RBMS3: variants seen among roughly 807,000 people sequenced by gnomAD.
The protein encoded by RBMS3 is RNA binding motif single stranded interacting protein 3, also known as RNA-binding motif, single-stranded-interacting protein 3.
In RBMS3, 27 loss-of-function variants were observed where a neutral mutation model predicts 66.8. The observed-to-expected ratio is 0.40, with a 90% CI of 0.30 to 0.56. The LOEUF is 0.56. Ranked by LOEUF, RBMS3 falls within the 20% of genes least tolerant of loss-of-function variation. RBMS3 has a pLI of 0.40. For missense variants in RBMS3, 513 were observed against 549.5 expected (o/e 0.93, Z 0.66); for synonymous variants, 188 against 183.0 (o/e 1.03, Z -0.22).
At chr3:29,341,838 C>A (rs2125538922) in intron 1 of RBMS3, among the ~76,000 whole-genome samples, 1 of 152,282 alleles carries the variant, frequency 6.6e-6, no homozygotes, top group Non-Finnish European at 1.5e-5. Flanking sequence ...ACAAGGAAGA[C>A]AAACTAAAGT....
chr3:29,809,851 G>A (rs1026623683), intron 6 of RBMS3, among the ~76,000 whole-genome samples: 2 of 151,962 alleles, frequency 1.3e-5, no homozygotes, highest in East Asian at 1.9e-4. Context: ...AGGAATTTTA[G>A]AGGAAGGAAA....
chr3:29,456,282 G>GT lies in RBMS3; in HGVS notation c.248+21368dup, dbSNP rs1178355776. Among the ~76,000 whole-genome samples, 4 of 152,142 alleles carry GT rather than the reference G, an allele frequency of 2.6e-5. No individual in the cohort carries two copies. In the South Asian group the frequency reaches 6.2e-4, roughly 24 times the overall value. On this transcript the variant is annotated intron_variant, in intron 2 of 14. Transcript: ENST00000383767. Reference sequence around the variant, plus strand: ...TATCTTGAGTGTTTAATTCAGAAGAGTGAGAAAATTTTAAAACATGTGTTT... The same window carrying GT: ...TATCTTGAGTGTTTAATTCAGAAGAGTTGAGAAAATTTTAAAACATGTGTTT...
intron 1 of RBMS3, among the ~76,000 whole-genome samples, chr3:29,378,109 A>G (rs1023999766): frequency 6.6e-6 from 1 of 152,188 alleles, no homozygotes; most frequent in African/African-American, 2.4e-5. Flanking sequence ...TAACTAGCTT[A>G]GAGATCTTGG....
chr3:29,354,383 CTG>C (rs758062894), intron 1 of RBMS3, among the ~76,000 whole-genome samples: 10 of 152,124 alleles, frequency 6.6e-5, no homozygotes, highest in Non-Finnish European at 1.5e-4. Context: ...CTGAAGCAAA[CTG>C]TATTCTTGCT....
chr3:29,472,307 C>T (rs531973863), intron 2 of RBMS3, among the ~76,000 whole-genome samples: 6 of 151,844 alleles, frequency 4.0e-5, no homozygotes, highest in East Asian at 1.9e-4. Context: ...AAGCGATTCC[C>T]GCCTCAGCTT....
intron 2 of RBMS3, among the ~76,000 whole-genome samples, chr3:29,463,274 A>G (rs1320030426): frequency 2.0e-5 from 3 of 152,208 alleles, no homozygotes; most frequent in Non-Finnish European, 2.9e-5. Context: ...ACCTATATCA[A>G]TGTAGCTTTA....
At chr3:29,962,508 G>T (rs1324233767) in intron 12 of RBMS3, among the ~76,000 whole-genome samples, 1 of 146,972 alleles carries the variant, frequency 6.8e-6, no homozygotes, top group Admixed American at 7.0e-5. Context: ...CTTTATATAG[G>T]TTTTACTGAG....
At chr3:29,472,726 G>A in intron 2 of RBMS3, among the ~76,000 whole-genome samples, 1 of 148,534 alleles carries the variant, frequency 6.7e-6, no homozygotes, top group Non-Finnish European at 1.5e-5. Context: ...GCTGGCTTCA[G>A]GAGTGAAGCT....
At chr3:29,317,574 A>T (rs2034759295) in intron 1 of RBMS3, among the ~76,000 whole-genome samples, 1 of 151,818 alleles carries the variant, frequency 6.6e-6, no homozygotes. Context: ...AAACACCCAT[A>T]ATATACACAC....
intron 12 of RBMS3, among the ~76,000 whole-genome samples, chr3:29,979,173 C>A (rs1421186663): frequency 6.6e-6 from 1 of 151,514 alleles, no homozygotes; most frequent in African/African-American, 2.4e-5. Context: ...ACAACAACAA[C>A]AACAACAACA....
chr3:29,636,500 G>T (rs1042744977), intron 4 of RBMS3, among the ~76,000 whole-genome samples: 2 of 151,912 alleles, frequency 1.3e-5, no homozygotes, highest in Admixed American at 6.6e-5. Flanking sequence ...AGGGTGGAAG[G>T]CTGGTAATCT....
intron 12 of RBMS3, among the ~76,000 whole-genome samples, chr3:29,944,873 TG>T (rs1695191844): frequency 6.6e-6 from 1 of 151,716 alleles, no homozygotes. Context: ...AATATGTTAG[TG>T]TCTTGAGGGT....
At chr3:29,932,560 T>C (rs2149682622) in intron 10 of RBMS3, among the ~76,000 whole-genome samples, 2 of 152,282 alleles carry the variant, frequency 1.3e-5, no homozygotes, top group South Asian at 4.1e-4. Flanking sequence ...TAGAATACTA[T>C]CACAGGAATA....
chr3:29,438,028 T>TTCTCTCTCTCTCTCTCTCTC (rs34431369), intron 2 of RBMS3, among the ~76,000 whole-genome samples: 56 of 142,556 alleles, frequency 3.9e-4, no homozygotes, highest in South Asian at 9.4e-4. Context: ...CCTTGCTTGT[T>TTCTCTCTCTCTCTCTCTCTC]TCTCTCTCTC....
At chr3:29,312,419 A>G (rs1347858426) in intron 1 of RBMS3, among the ~76,000 whole-genome samples, 2 of 151,808 alleles carry the variant, frequency 1.3e-5, no homozygotes, top group Admixed American at 1.3e-4. Context: ...ACAAGAGAAC[A>G]AAGAGTGATC....
At chr3:29,784,887 C>T (rs1024689623) in intron 6 of RBMS3, among the ~76,000 whole-genome samples, 1 of 151,982 alleles carries the variant, frequency 6.6e-6, no homozygotes, top group African/African-American at 2.4e-5. Flanking sequence ...AAAGATTATT[C>T]AAGGCTACAG....
chr3:29,363,921 G>A (rs997319083), intron 1 of RBMS3, among the ~76,000 whole-genome samples: 5 of 151,716 alleles, frequency 3.3e-5, no homozygotes, highest in African/African-American at 9.7e-5. Flanking sequence ...TATTTAATGT[G>A]GCAAAGATGA....
intron 4 of RBMS3, among the ~76,000 whole-genome samples, chr3:29,594,377 G>A (rs1389779765): frequency 6.6e-6 from 1 of 152,122 alleles, no homozygotes; most frequent in African/African-American, 2.4e-5. Context: ...GTAAGAATAT[G>A]ACAAGACACC....
At chr3:29,696,711 G>T (rs950547366) in intron 4 of RBMS3, among the ~76,000 whole-genome samples, 31 of 152,172 alleles carry the variant, frequency 2.0e-4, no homozygotes, top group African/African-American at 7.0e-4. Flanking sequence ...CTTCTGGGGA[G>T]GTTCAGGAGC....
Sources: allele counts gnomAD v4.1 joint callset (sites outside exome capture counted in the v4.1 genomes callset), GRCh38; gene constraint gnomAD v4.1.1; transcripts MANE v1.5; gene names NCBI Gene and HGNC (gene_info 2026-07-23, HGNC 2026-07-21).